The following ITM2B variants were observed in gnomAD, a reference collection of about 807,000 sequenced individuals.
The protein encoded by ITM2B is integral membrane protein 2B.
In ITM2B, 11 loss-of-function variants were observed where a neutral mutation model predicts 27.8. That is an observed-to-expected ratio of 0.40 (90% confidence interval 0.25 to 0.66). ITM2B has a LOEUF of 0.66. ITM2B is among the 30% of genes least tolerant of loss of function. The probability of loss-of-function intolerance (pLI) is 0.43; values close to 1 mark genes in which losing one functional copy is unlikely to be tolerated. For missense variants in ITM2B, 296 were observed against 328.9 expected (o/e 0.90, Z 0.77); for synonymous variants, 114 against 114.3 (o/e 1.00, Z 0.02).
intron 1 of ITM2B, 99 bp downstream of exon 1, chr13:48,233,576 G>C: frequency 1.4e-6 from 1 of 692,374 alleles, no homozygotes; most frequent in Non-Finnish European, 2.2e-6. Context: ...CGGGCGCGGG[G>C]CTCGCGCCGC....
intron 1 of ITM2B, among the ~76,000 whole-genome samples, chr13:48,243,191 T>A (rs1200573148): frequency 6.6e-6 from 1 of 152,240 alleles, no homozygotes; most frequent in African/African-American, 2.4e-5. Flanking sequence ...ATGAGGAATT[T>A]TAGAGGCAAC....
Position 48,261,125 on chromosome 13 carries a change from T to TC in ITM2B, c.716-11dup, listed in dbSNP as rs1199819560. On this transcript the variant is annotated splice_polypyrimidine_tract_variant and intron_variant, in intron 5 of 5. Coordinates refer to ENST00000647800, the MANE Select transcript of ITM2B (RefSeq NM_021999.5). ...GAATCAAAATTTTAAAAAACTTTTT[T>TC]CCCTCTCCAACAGGTATTCAGAAAC... The TC allele has an allele frequency of 1.3e-6, 2 of 1,595,204 alleles. No individual in the cohort carries two copies. Among genetic ancestry groups the TC allele is most frequent in the Admixed American group, 1.7e-5 (1 of 59,494 alleles).
At chr13:48,236,878 C>G (rs1236469490) in intron 1 of ITM2B, among the ~76,000 whole-genome samples, 1 of 152,174 alleles carries the variant, frequency 6.6e-6, no homozygotes, top group Non-Finnish European at 1.5e-5. Flanking sequence ...CTCTCTACCC[C>G]ACTTTGTAGA....
chr13:48,233,333 G>C lies in ITM2B; in HGVS notation c.-28G>C. The C allele has an allele frequency of 2.8e-6, 4 of 1,453,526 alleles. No homozygotes were observed. Among genetic ancestry groups the C allele is most frequent in the Non-Finnish European group, 2.8e-6 (3 of 1,072,712 alleles). The allele number at this position is 1,453,526 out of a possible 1,614,324, so 90.0% of individuals were successfully genotyped here. A position where few individuals can be genotyped will look rare whatever the true frequency, so the allele number is the denominator to read the frequency against. ...CAGCCCGCGCCCCGAGCCCGCCGCC[G>C]CCCTTCGAGGGCGCCCCAGGCCGCG... On this transcript the variant is annotated 5_prime_UTR_variant, in exon 1 of 6. Transcript: ENST00000647800.
Position 48,269,084 on chromosome 13 carries a change from T to G in ITM2B, c.*7860T>G, listed in dbSNP as rs1951869437. The G allele has an allele frequency of 6.6e-6, 1 of 152,194 alleles. No individual in the cohort carries two copies. 9.4% of individuals were successfully genotyped at this position (152,194 alleles called of 1,614,324 possible). ...ATAGGCATTATCAGATACAACATGTTCAAAGGCAAACTTGATTTTCCTCCC... is the reference window on the plus strand; with the variant it reads ...ATAGGCATTATCAGATACAACATGTGCAAAGGCAAACTTGATTTTCCTCCC... On this transcript the variant is annotated 3_prime_UTR_variant, in exon 6 of 6. Transcript: ENST00000647800.
Position 48,256,231 on chromosome 13 carries a change from A to C in ITM2B, c.301A>C (p.Asn101His). The change falls in exon 3 of 6, where the codon AAT becomes CAT. Residue 101 changes from asparagine to histidine, a missense_variant. Coordinates refer to ENST00000647800, the MANE Select transcript of ITM2B (RefSeq NM_021999.5). ...IKYIKDDVIL[N>H]EPSADAPAAL... Reference sequence around the variant, plus strand: ...GTACATCAAAGATGATGTCATCTTAAATGAGCCCTCTGCAGATGCCCCAGC... The same window carrying C: ...GTACATCAAAGATGATGTCATCTTACATGAGCCCTCTGCAGATGCCCCAGC... 6.2e-7 allele frequency: 1 copy of C among 1,613,838 alleles called. No individual in the cohort carries two copies. Among genetic ancestry groups the C allele is most frequent in the East Asian group, 2.2e-5 (1 of 44,874 alleles).
At chr13:48,243,639 A>T (rs1951711169) in intron 1 of ITM2B, among the ~76,000 whole-genome samples, 1 of 151,856 alleles carries the variant, frequency 6.6e-6, no homozygotes, top group Non-Finnish European at 1.5e-5. Flanking sequence ...ACATAGTGAG[A>T]CCTCCACCTC....
At chr13:48,250,308 C>G (rs1951747314) in intron 1 of ITM2B, among the ~76,000 whole-genome samples, 1 of 152,040 alleles carries the variant, frequency 6.6e-6, no homozygotes, top group Non-Finnish European at 1.5e-5. Context: ...AATTAAATAA[C>G]CAGGCTTTTT....
intron 1 of ITM2B, among the ~76,000 whole-genome samples, chr13:48,235,997 GTCTT>G (rs758661054): frequency 8.5e-5 from 13 of 152,232 alleles, no homozygotes; most frequent in East Asian, 5.8e-4. Context: ...CATTGCTCCT[GTCTT>G]TCTATTTTTT....
chr13:48,245,987 C>G (rs1405737160), intron 1 of ITM2B, among the ~76,000 whole-genome samples: 1 of 152,072 alleles, frequency 6.6e-6, no homozygotes, highest in African/African-American at 2.4e-5. Context: ...ACCGTGTTAG[C>G]CAGGATGGTC....
intron 1 of ITM2B, among the ~76,000 whole-genome samples, chr13:48,237,265 T>A (rs1399090294): frequency 6.6e-6 from 1 of 152,210 alleles, no homozygotes; most frequent in Non-Finnish European, 1.5e-5. Context: ...TGTAATTCCG[T>A]GTTTGCAGAT....
chr13:48,268,522 T>C lies in ITM2B; in HGVS notation c.*7298T>C, dbSNP rs1378273205. On this transcript the variant is annotated 3_prime_UTR_variant, in exon 6 of 6. Transcript: ENST00000647800. ...TGGGGTTTTGCCATGTTGTCCAGGC[T>C]GGTCTCGAACTCCTGGGCTCAAAGC... 2.0e-5 allele frequency: 3 copies of C among 152,320 alleles called. No homozygotes were observed. The allele number at this position is 152,320 out of a possible 1,614,324, so 9.4% of individuals were successfully genotyped here.
chr13:48,233,468 G>A lies in ITM2B; in HGVS notation c.108G>A (p.Val36=), dbSNP rs1951648551. The A allele has an allele frequency of 6.5e-7, 1 of 1,530,534 alleles. No homozygotes were observed. Among genetic ancestry groups the A allele is most frequent in the Non-Finnish European group, 8.8e-7 (1 of 1,139,426 alleles). 94.8% of individuals were successfully genotyped at this position (1,530,534 alleles called of 1,614,324 possible). A position where few individuals can be genotyped will look rare whatever the true frequency, so the allele number is the denominator to read the frequency against. The change falls in exon 1 of 6, where the codon GTG becomes GTA. Residue 36 remains valine (V), a synonymous_variant. Coordinates refer to ENST00000647800, the MANE Select transcript of ITM2B (RefSeq NM_021999.5). ...ALIIPPDAVA[V]DCKDPDDVVP... ...TCATCCCCCCCGACGCCGTCGCGGT[G>A]GACTGCAAGGTCCGAGCCCGGGGAG...
intron 1 of ITM2B, among the ~76,000 whole-genome samples, chr13:48,245,195 A>G (rs1000674000): frequency 6.6e-6 from 1 of 152,080 alleles, no homozygotes; most frequent in Non-Finnish European, 1.5e-5. Flanking sequence ...GCCTGGTGGC[A>G]TGTGCCTGTA....
chr13:48,233,517 C>T (rs755044785), intron 1 of ITM2B, 40 bp downstream of exon 1: 6 of 1,395,322 alleles, frequency 4.3e-6, no homozygotes, highest in African/African-American at 3.0e-5. Context: ...GTGCTGGGCC[C>T]GGCCGGGGAG....
intron 1 of ITM2B, among the ~76,000 whole-genome samples, chr13:48,251,992 T>G (rs1951758554): frequency 6.6e-6 from 1 of 152,252 alleles, no homozygotes; most frequent in Non-Finnish European, 1.5e-5. Context: ...TTACATACTT[T>G]TCTTCCTTGC....
At chr13:48,243,259 A>G (rs187753892) in intron 1 of ITM2B, among the ~76,000 whole-genome samples, 241 of 152,320 alleles carry the variant, frequency 1.6e-3, no homozygotes, top group African/African-American at 5.5e-3. Context: ...AACTTAAAAA[A>G]GTTTCATTTT....
In ITM2B at chr13:48,266,633, C is replaced by G. The variant is rs1406258337; in HGVS notation, c.*5409C>G. ...AAGGGGGTTTTTTTGGGCAGACAAT[C>G]TTCATTATTCAGATGGAAATTAATG... On this transcript the variant is annotated 3_prime_UTR_variant, in exon 6 of 6. Transcript: ENST00000647800. The G allele has an allele frequency of 2.0e-5, 3 of 152,056 alleles. No individual in the cohort carries two copies. The East Asian group carries it at 5.8e-4, about 29-fold the overall frequency. The allele number at this position is 152,056 out of a possible 1,614,324, so 9.4% of individuals were successfully genotyped here. A position where few individuals can be genotyped will look rare whatever the true frequency, so the allele number is the denominator to read the frequency against.
At chr13:48,246,826 A>G (rs1353316813) in intron 1 of ITM2B, among the ~76,000 whole-genome samples, 1 of 151,944 alleles carries the variant, frequency 6.6e-6, no homozygotes, top group Non-Finnish European at 1.5e-5. Flanking sequence ...TGGGAAATTT[A>G]GTTTTTGGTT....
Sources: allele counts gnomAD v4.1 joint callset (sites outside exome capture counted in the v4.1 genomes callset), GRCh38; gene constraint gnomAD v4.1.1; transcripts MANE v1.5; gene names NCBI Gene and HGNC (gene_info 2026-07-23, HGNC 2026-07-21).